DLEC1: variants seen among roughly 807,000 people sequenced by gnomAD.
DLEC1 encodes deleted in lung and esophageal cancer protein 1.
DLEC1 carries 146 observed loss-of-function variants against 198.1 expected under a neutral mutation model. The ratio of observed to expected loss-of-function variants is 0.74; its 90% confidence interval spans 0.64 to 0.85. The LOEUF is 0.85. Ranked by LOEUF, DLEC1 falls within the 40% of genes least tolerant of loss-of-function variation. DLEC1 has a pLI of 0.00. For missense variants in DLEC1, 2,233 were observed against 2,220.0 expected (o/e 1.01, Z -0.12); for synonymous variants, 897 against 866.8 (o/e 1.03, Z -0.61).
chr3:38,117,872 T>A lies in DLEC1; in HGVS notation c.4552T>A (p.Phe1518Ile), dbSNP rs1340633336. 6.2e-7 allele frequency: 1 copy of A among 1,614,170 alleles called. No homozygotes were observed. The highest frequency in any genetic ancestry group is 8.5e-7 in the Non-Finnish European group (1 of 1,180,016). ...LTNTTEIPHY[F>I]RLMVSRPFSV... ...CAACACTACAGAGATCCCACACTAC[T>A]TCCGGCTTATGGTCTCCAGGCCCTT... Residue 1518 changes from phenylalanine to isoleucine, a missense_variant, in exon 33 of 37, where the codon TTC (phenylalanine) becomes ATC (isoleucine). By Grantham distance (21) the Phe-to-Ile change is conservative (BLOSUM62 0). Coordinates refer to ENST00000308059, the MANE Select transcript of DLEC1 (RefSeq NM_007335.4).
intron 6 of DLEC1, among the ~76,000 whole-genome samples, chr3:38,079,983 G>A (rs1332903955): frequency 6.7e-6 from 1 of 149,384 alleles, no homozygotes; most frequent in Non-Finnish European, 1.5e-5. Context: ...GTAATAAAAT[G>A]TATATTGAGA....
chr3:38,097,400 A>T, intron 16 of DLEC1, 107 bp from the exon 17 acceptor site: 1 of 1,566,980 alleles, frequency 6.4e-7, no homozygotes, highest in South Asian at 1.2e-5. Context: ...GAGGCCTGGG[A>T]TGTGAGGGAG....
At chr3:38,057,498 A>G (rs1339520193) in intron 2 of DLEC1, among the ~76,000 whole-genome samples, 1 of 152,108 alleles carries the variant, frequency 6.6e-6, no homozygotes, top group Non-Finnish European at 1.5e-5. Flanking sequence ...TCTCAAAAAA[A>G]AAAAGAACTA....
At chr3:38,100,529 T>C in intron 19 of DLEC1, 104 bp downstream of exon 19, 2 of 1,356,968 alleles carry the variant, frequency 1.5e-6, no homozygotes, top group Non-Finnish European at 1.9e-6. Flanking sequence ...TTAAAACTAT[T>C]GAATCCAGAA....
intron 1 of DLEC1, among the ~76,000 whole-genome samples, chr3:38,043,537 C>A (rs141911846): frequency 6.6e-6 from 1 of 152,280 alleles, no homozygotes; most frequent in East Asian, 1.9e-4. Context: ...TTCTTCTTAG[C>A]CTTCCATATA....
intron 8 of DLEC1, among the ~76,000 whole-genome samples, chr3:38,086,021 A>G (rs1698436953): frequency 6.6e-6 from 1 of 152,188 alleles, no homozygotes; most frequent in South Asian, 2.1e-4. Context: ...CCAGGAGTGA[A>G]TAGAGTCCCA....
chr3:38,114,869 G>C, intron 26 of DLEC1, 114 bp from the exon 27 acceptor site: 1 of 908,330 alleles, frequency 1.1e-6, no homozygotes, highest in Non-Finnish European at 1.7e-6. Flanking sequence ...TCTCGAGTGA[G>C]GCCAGACCAC....
rs1469622895 is a variant in DLEC1, at chr3:38,079,034, G to A, written c.1174-5124G>A. On this transcript the variant is annotated intron_variant, in intron 6 of 36. Coordinates refer to ENST00000308059, the MANE Select transcript of DLEC1 (RefSeq NM_007335.4). ...GGGATGGGATATTGGCATTGAGCGG[G>A]GTAAGGGTGATTAGGTTTTAATGAG... is the stretch of plus-strand genomic sequence containing the variant. Among the ~76,000 whole-genome samples the A allele has an allele frequency of 3.9e-5, 6 of 152,270 alleles. 1 individual carries two copies. The South Asian group carries it at 1.2e-3, about 32-fold the overall frequency.
chr3:38,058,587 A>T (rs745608212), intron 2 of DLEC1, among the ~76,000 whole-genome samples: 1 of 152,262 alleles, frequency 6.6e-6, no homozygotes, highest in Non-Finnish European at 1.5e-5. Context: ...AGTAATAAAT[A>T]TATATGGTTT....
intron 2 of DLEC1, among the ~76,000 whole-genome samples, chr3:38,054,201 A>AC (rs377678125): frequency 1.4e-5 from 1 of 71,488 alleles, no homozygotes; most frequent in Non-Finnish European, 3.0e-5. Flanking sequence ...AAATACTAAA[A>AC]AAAAAAACAA....
rs1373173632 is a variant in DLEC1, at chr3:38,108,394, G to A, written c.3019-11G>A. On this transcript the variant is annotated splice_polypyrimidine_tract_variant and intron_variant, in intron 20 of 36. Transcript: ENST00000308059. Reference sequence around the variant, plus strand: ...AGTAAGTGACAACAGGCTCACTCATGTGTCTGCCAGCTCCTCGGACACCAA... The same window carrying A: ...AGTAAGTGACAACAGGCTCACTCATATGTCTGCCAGCTCCTCGGACACCAA... 3 of 1,611,548 alleles carry A rather than the reference G, an allele frequency of 1.9e-6. No homozygotes were observed. The highest frequency in any genetic ancestry group is 2.7e-5 in the African/African-American group (2 of 74,860).
intron 2 of DLEC1, among the ~76,000 whole-genome samples, chr3:38,050,204 G>A (rs1701048064): frequency 6.6e-6 from 1 of 151,856 alleles, no homozygotes; most frequent in African/African-American, 2.4e-5. Context: ...TAGTAGCTGG[G>A]ACCACAGGCA....
intron 2 of DLEC1, among the ~76,000 whole-genome samples, chr3:38,053,498 G>T (rs1701243620): frequency 6.6e-6 from 1 of 151,728 alleles, no homozygotes; most frequent in Non-Finnish European, 1.5e-5. Flanking sequence ...GAGAAGTGAG[G>T]AGCCCCTCCG....
At chr3:38,108,566 C>T in intron 21 of DLEC1, 51 bp downstream of exon 21, 2 of 1,447,874 alleles carry the variant, frequency 1.4e-6, no homozygotes, top group Non-Finnish European at 1.9e-6. Flanking sequence ...CCCTGCCAAC[C>T]ATACGCACCT....
intron 28 of DLEC1, 48 bp from the exon 29 acceptor site, chr3:38,116,725 A>G: frequency 6.2e-7 from 1 of 1,608,590 alleles, no homozygotes; most frequent in Non-Finnish European, 8.5e-7. Flanking sequence ...CCAGTAGGCT[A>G]GTTGAACCTC....
Position 38,107,670 on chromosome 3 carries a change from T to C in DLEC1, c.2951T>C (p.Val984Ala), listed in dbSNP as rs1336040818. The change falls in exon 20 of 37, where the codon GTG becomes GCG. Residue 984 changes from valine to alanine, a missense_variant. Coordinates refer to ENST00000308059, the MANE Select transcript of DLEC1 (RefSeq NM_007335.4). Reference protein sequence around the residue: ...QVEVRNLYLGVPTKTTITLIN... With the variant: ...QVEVRNLYLGAPTKTTITLIN... ...GAGGTTAGAAATCTCTACCTGGGTG[T>C]GCCCACGAAGACAACCATCACACTT... 3.7e-6 allele frequency: 6 copies of C among 1,614,168 alleles called. No individual in the cohort carries two copies. In the South Asian group the frequency reaches 6.6e-5, roughly 18 times the overall value.
rs760126654 is a variant in DLEC1 at position 38,111,743 on chromosome 3, G to C, written c.3510G>C (p.Gln1170His). 3 of 1,611,446 alleles carry C rather than the reference G, an allele frequency of 1.9e-6. No homozygotes were observed. Among genetic ancestry groups the C allele is most frequent in the Non-Finnish European group, 1.7e-6 (2 of 1,179,732 alleles). ...AAGAGCACCTGGCCAAGCGAGAGCAGCTGGGTAAGCGCCACCAGGGTGGGG... is the reference window on the plus strand; with the variant it reads ...AAGAGCACCTGGCCAAGCGAGAGCACCTGGGTAAGCGCCACCAGGGTGGGG... The part of the protein sequence containing the change: ...RMQEHLAKRE[Q>H]LDFMESMLSH... Residue 1170 changes from glutamine (Q) to histidine (H), a missense_variant, in exon 24 of 37, where the codon CAG becomes CAC. Gln to His is a conservative substitution (Grantham distance 24). Coordinates refer to ENST00000308059, the MANE Select transcript of DLEC1 (RefSeq NM_007335.4).
At chr3:38,096,820 G>GTATA (rs1699048164) in intron 15 of DLEC1, 83 bp downstream of exon 15, 9 of 1,468,972 alleles carry the variant, frequency 6.1e-6, no homozygotes, top group Non-Finnish European at 7.3e-6. Context: ...TAGCAGGAGG[G>GTATA]GCAGATGGTA....
intron 21 of DLEC1, 29 bp from the exon 22 acceptor site, chr3:38,109,403 G>T (rs1031889297): frequency 3.7e-6 from 6 of 1,613,662 alleles, no homozygotes; most frequent in African/African-American, 2.7e-5. Flanking sequence ...CCCAGGCCTG[G>T]TCTGACCCCT....
Sources: allele counts gnomAD v4.1 joint callset (sites outside exome capture counted in the v4.1 genomes callset), GRCh38; gene constraint gnomAD v4.1.1; transcripts MANE v1.5; gene names NCBI Gene and HGNC (gene_info 2026-07-23, HGNC 2026-07-21).